The following MAGI3 variants were observed in gnomAD, a reference collection of about 807,000 sequenced individuals.
MAGI3 encodes membrane associated guanylate kinase, WW and PDZ domain containing 3.
Under a neutral mutation model 121.8 loss-of-function variants are expected in MAGI3, and 43 were observed. The observed-to-expected ratio is 0.35, with a 90% CI of 0.28 to 0.46. MAGI3 has a LOEUF of 0.46. Ranked by LOEUF, MAGI3 falls within the 20% of genes least tolerant of loss-of-function variation. The pLI, the probability that MAGI3 is intolerant of heterozygous loss-of-function variation, is 1.00. For missense variants in MAGI3, 1,547 were observed against 1,797.3 expected (o/e 0.86, Z 2.52); for synonymous variants, 553 against 639.3 (o/e 0.86, Z 2.04).
chr1:113,576,804 G>A (rs189216953), intron 2 of MAGI3: 35 of 152,160 alleles, frequency 2.3e-4, no homozygotes, highest in African/African-American at 8.2e-4. Flanking sequence ...CCTATTTTTC[G>A]GATGTCTTGT....
intron 2 of MAGI3, chr1:113,576,702 T>C (rs766506098): frequency 6.6e-5 from 10 of 152,174 alleles, no homozygotes; most frequent in Non-Finnish European, 1.3e-4. Context: ...AGGAAATCTA[T>C]ATGGCTTCTA....
chr1:113,520,059 T>C (rs1372428691), intron 1 of MAGI3, among the ~76,000 whole-genome samples: 2 of 152,198 alleles, frequency 1.3e-5, no homozygotes, highest in Admixed American at 6.5e-5. Flanking sequence ...TTTTGGAAGG[T>C]GGTCATACAT....
chr1:113,612,845 A>G (rs1650239673), intron 6 of MAGI3, among the ~76,000 whole-genome samples: 1 of 152,210 alleles, frequency 6.6e-6, no homozygotes, highest in Non-Finnish European at 1.5e-5. Context: ...TACTATTAGT[A>G]CATCCCTTTT....
chr1:113,543,943 A>G (rs1192231295), intron 1 of MAGI3, among the ~76,000 whole-genome samples: 1 of 152,136 alleles, frequency 6.6e-6, no homozygotes, highest in Non-Finnish European at 1.5e-5. Context: ...TAAAAACTAA[A>G]CTAAATCAAT....
At chr1:113,459,711 A>G (rs1654938266) in intron 1 of MAGI3, among the ~76,000 whole-genome samples, 1 of 152,202 alleles carries the variant, frequency 6.6e-6, no homozygotes, top group Non-Finnish European at 1.5e-5. Context: ...TGAATTTTCA[A>G]CCGTGTTTAC....
In MAGI3 at chr1:113,391,088, G is replaced by A; in HGVS notation, c.55G>A (p.Ala19Thr). 1 of 1,589,158 alleles carries A rather than the reference G, an allele frequency of 6.3e-7. No individual in the cohort carries two copies. The change falls in exon 1 of 21, where the codon GCC becomes ACC. Residue 19 changes from alanine (A) to threonine (T), a missense_variant. Physicochemically the swap from Ala to Thr is moderately conservative, Grantham distance 58 (BLOSUM62 0). Transcript: ENST00000307546. The surrounding 1 kb of genome is among the most constrained non-coding windows in gnomAD (Gnocchi z 4.4). ...KHWLSKVQEC[A>T]VSWAGPPGDF... ...CTGGCTCAGCAAGGTGCAGGAGTGC[G>A]CCGTGTCCTGGGCCGGGCCCCCGGG...
intron 1 of MAGI3, among the ~76,000 whole-genome samples, chr1:113,486,448 A>AGTTT (rs754936706): frequency 5.9e-5 from 9 of 151,952 alleles, no homozygotes; most frequent in South Asian, 4.2e-4. Flanking sequence ...TATATTCCTA[A>AGTTT]GTTTGTTTGT....
At chr1:113,604,113 C>T (rs1370526922) in intron 6 of MAGI3, among the ~76,000 whole-genome samples, 1 of 152,098 alleles carries the variant, frequency 6.6e-6, no homozygotes, top group Non-Finnish European at 1.5e-5. Flanking sequence ...ACCATTTGAT[C>T]CAGGAATCCC....
At chr1:113,580,745 T>A in intron 3 of MAGI3, 84 bp downstream of exon 3, 2 of 1,323,538 alleles carry the variant, frequency 1.5e-6, no homozygotes, top group African/African-American at 3.0e-5. Flanking sequence ...ACCAGTAAAG[T>A]ACCACTTTTT....
intron 9 of MAGI3, among the ~76,000 whole-genome samples, chr1:113,629,763 C>CTCTCTCCCT (rs143631602): frequency 0.055 from 2,450 of 44,620 alleles, 51 homozygotes; most frequent in Non-Finnish European, 0.083. Context: ...TCTCTCTCTC[C>CTCTCTCCCT]CTCCCTCCCT....
chr1:113,674,194 C>G (rs1241620646), intron 19 of MAGI3, among the ~76,000 whole-genome samples: 2 of 152,082 alleles, frequency 1.3e-5, no homozygotes, highest in East Asian at 3.9e-4. Flanking sequence ...GAGTTCGAGA[C>G]CAGCCTGACC....
At chr1:113,406,151 A>G (rs1651668272) in intron 1 of MAGI3, among the ~76,000 whole-genome samples, 1 of 151,900 alleles carries the variant, frequency 6.6e-6, no homozygotes, top group Admixed American at 6.6e-5. Context: ...TTAAAAAAAA[A>G]TAGTGGGCCG....
chr1:113,534,205 G>A (rs1658860236), intron 1 of MAGI3, among the ~76,000 whole-genome samples: 1 of 152,170 alleles, frequency 6.6e-6, no homozygotes, highest in Non-Finnish European at 1.5e-5. Flanking sequence ...ATCCTGTGCT[G>A]CTGTTAGTGC....
At chr1:113,662,962 A>G (rs968241970) in intron 16 of MAGI3, among the ~76,000 whole-genome samples, 1 of 152,154 alleles carries the variant, frequency 6.6e-6, no homozygotes, top group Non-Finnish European at 1.5e-5. Flanking sequence ...GCCGTGGCTC[A>G]TGCCTGTAAT....
intron 9 of MAGI3, among the ~76,000 whole-genome samples, chr1:113,641,157 G>T (rs61820160): frequency 0.7 from 56,361 of 81,060 alleles, 21,316 homozygotes; most frequent in South Asian, 0.76. Context: ...ATATATATGA[G>T]ATATATATAA....
chr1:113,532,408 G>C (rs1658770650), intron 1 of MAGI3, among the ~76,000 whole-genome samples: 1 of 151,346 alleles, frequency 6.6e-6, no homozygotes, highest in Admixed American at 6.6e-5. Flanking sequence ...TGTTTGTATT[G>C]GACCTTTTCT....
chr1:113,572,700 T>C (rs1647373970), intron 2 of MAGI3, among the ~76,000 whole-genome samples: 1 of 152,246 alleles, frequency 6.6e-6, no homozygotes. Context: ...TATGGTATTC[T>C]CTGAAGGTAG....
At chr1:113,464,672 T>C (rs911050097) in intron 1 of MAGI3, among the ~76,000 whole-genome samples, 2 of 152,212 alleles carry the variant, frequency 1.3e-5, no homozygotes, top group Non-Finnish European at 2.9e-5. Context: ...ATTGTCTGTC[T>C]TTTTGATAAA....
At chr1:113,594,301 G>C (rs1217231) in intron 5 of MAGI3, among the ~76,000 whole-genome samples, 180 bp from the exon 6 acceptor site, 75,164 of 151,990 alleles carry the variant, frequency 0.49, 19,426 homozygotes, top group African/African-American at 0.64. Context: ...ATTCCTTTAT[G>C]GAAATTTTGA....
Sources: allele counts gnomAD v4.1 joint callset (sites outside exome capture counted in the v4.1 genomes callset), GRCh38; gene constraint gnomAD v4.1.1; non-coding constraint Gnocchi (gnomAD v3.1); transcripts MANE v1.5; gene names NCBI Gene and HGNC (gene_info 2026-07-23, HGNC 2026-07-21).